ZNRF3: variants seen among roughly 807,000 people sequenced by gnomAD.
ZNRF3 encodes the protein zinc and ring finger 3.
ZNRF3 carries 23 observed loss-of-function variants against 72.5 expected under a neutral mutation model. The ratio of observed to expected loss-of-function variants is 0.32; its 90% CI spans 0.23 to 0.45. The LOEUF (loss-of-function observed/expected upper bound fraction) is 0.45, where lower values mean the gene tolerates loss of function less well. Among genes scored for constraint, ZNRF3 ranks in the 20% least tolerant of loss-of-function variants. The probability of loss-of-function intolerance (pLI) is 1.00; values close to 1 mark genes in which losing one functional copy is unlikely to be tolerated. For synonymous variants in ZNRF3, 610 were observed against 545.3 expected (o/e 1.12, Z -1.65); for missense variants, 1,169 against 1,272.1 (o/e 0.92, Z 1.23).
intron 2 of ZNRF3, among the ~76,000 whole-genome samples, chr22:29,024,484 T>C (rs1355273810): frequency 3.9e-5 from 6 of 152,018 alleles, no homozygotes; most frequent in Non-Finnish European, 1.5e-5. Context: ...AGATAACAAG[T>C]TGATATAAAG....
chr22:29,004,218 T>TG (rs1401028317), intron 2 of ZNRF3, among the ~76,000 whole-genome samples: 3 of 152,356 alleles, frequency 2.0e-5, no homozygotes, highest in East Asian at 1.9e-4. Flanking sequence ...CATTTGACTT[T>TG]GATTCAGTCT....
At chr22:29,016,096 A>C (rs1465779792) in intron 2 of ZNRF3, among the ~76,000 whole-genome samples, 3 of 151,914 alleles carry the variant, frequency 2.0e-5, no homozygotes, top group Non-Finnish European at 4.4e-5. Context: ...ATAATGTTGC[A>C]AGAGATTAAG....
At chr22:28,919,664 G>A (rs1328959648) in intron 1 of ZNRF3, among the ~76,000 whole-genome samples, 1 of 150,694 alleles carries the variant, frequency 6.6e-6, no homozygotes, top group African/African-American at 2.4e-5. Flanking sequence ...GTGCCACCAT[G>A]CCTGGCTAAT....
chr22:29,043,928 C>T (rs1258110038), intron 4 of ZNRF3, among the ~76,000 whole-genome samples: 2 of 152,200 alleles, frequency 1.3e-5, no homozygotes, highest in East Asian at 1.9e-4. Context: ...TTGAGTTCGA[C>T]GGCTAAATGA....
chr22:28,939,536 G>C, intron 1 of ZNRF3, among the ~76,000 whole-genome samples: 1 of 151,434 alleles, frequency 6.6e-6, no homozygotes, highest in East Asian at 1.9e-4. Flanking sequence ...TTATCTCTAA[G>C]ACCAAATCCT....
chr22:28,899,274 C>T (rs1340798947), intron 1 of ZNRF3, among the ~76,000 whole-genome samples: 1 of 152,146 alleles, frequency 6.6e-6, no homozygotes, highest in Admixed American at 6.5e-5. Context: ...TTTCCTGACT[C>T]TTGTGTTTAA....
chr22:28,889,771 A>T (rs2033852620), intron 1 of ZNRF3, among the ~76,000 whole-genome samples: 1 of 152,216 alleles, frequency 6.6e-6, no homozygotes, highest in Non-Finnish European at 1.5e-5. Flanking sequence ...AAAGTGTAAG[A>T]ACTTGACACT....
At chr22:29,012,722 C>T (rs2036367104) in intron 2 of ZNRF3, among the ~76,000 whole-genome samples, 1 of 152,228 alleles carries the variant, frequency 6.6e-6, no homozygotes, top group Non-Finnish European at 1.5e-5. Flanking sequence ...GTGATTTCAA[C>T]TTCTGAAGGG....
At chr22:28,887,080 C>G (rs747457885) in intron 1 of ZNRF3, among the ~76,000 whole-genome samples, 6 of 152,120 alleles carry the variant, frequency 3.9e-5, no homozygotes, top group Non-Finnish European at 5.9e-5. Context: ...GTTATTTCCA[C>G]TGGGGTTCTG....
intron 2 of ZNRF3, among the ~76,000 whole-genome samples, chr22:29,015,779 A>C (rs1222342134): frequency 6.6e-6 from 1 of 151,738 alleles, no homozygotes; most frequent in African/African-American, 2.4e-5. Context: ...GCAGTTTGGG[A>C]GGCCGAGGCG....
intron 1 of ZNRF3, among the ~76,000 whole-genome samples, chr22:28,919,192 A>C (rs952976543): frequency 3.3e-5 from 5 of 152,202 alleles, no homozygotes; most frequent in Admixed American, 6.5e-5. Context: ...TTATTTCTGA[A>C]CTGGAGTTTG....
intron 1 of ZNRF3, among the ~76,000 whole-genome samples, chr22:28,954,978 A>G (rs1195965411): frequency 6.6e-6 from 1 of 151,854 alleles, no homozygotes; most frequent in Non-Finnish European, 1.5e-5. Context: ...TTGTCCACTA[A>G]AAGATATAAT....
intron 1 of ZNRF3, among the ~76,000 whole-genome samples, chr22:28,970,724 C>G (rs2035556982): frequency 6.6e-6 from 1 of 152,184 alleles, no homozygotes; most frequent in Admixed American, 6.5e-5. Flanking sequence ...AATGCTGAAT[C>G]AAAGGATCCA....
intron 2 of ZNRF3, among the ~76,000 whole-genome samples, chr22:29,009,221 G>A (rs2036308142): frequency 6.6e-6 from 1 of 152,148 alleles, no homozygotes; most frequent in Non-Finnish European, 1.5e-5. Flanking sequence ...TTTAAGACTG[G>A]CTGGGTTTGG....
At chr22:28,963,198 A>AC (rs749589045) in intron 1 of ZNRF3, among the ~76,000 whole-genome samples, 1 of 152,204 alleles carries the variant, frequency 6.6e-6, no homozygotes, top group African/African-American at 2.4e-5. Flanking sequence ...GAAGCAGGAA[A>AC]CCCAACACAC....
At chr22:28,885,234 T>C (rs1210675895) in intron 1 of ZNRF3, among the ~76,000 whole-genome samples, 1 of 152,062 alleles carries the variant, frequency 6.6e-6, no homozygotes, top group African/African-American at 2.4e-5. Flanking sequence ...CCTGCCTTCA[T>C]AGGACAGGGA....
At chr22:28,949,775 C>T (rs921261612) in intron 1 of ZNRF3, among the ~76,000 whole-genome samples, 8 of 152,202 alleles carry the variant, frequency 5.3e-5, no homozygotes, top group African/African-American at 1.9e-4. Flanking sequence ...GCCTGCCCTG[C>T]ACTCATCTAT....
intron 1 of ZNRF3, among the ~76,000 whole-genome samples, chr22:28,907,341 C>T (rs888745349): frequency 5.9e-5 from 9 of 152,120 alleles, no homozygotes; most frequent in African/African-American, 1.9e-4. Context: ...ATGGCACAGC[C>T]ACACTGCATT....
intron 1 of ZNRF3, among the ~76,000 whole-genome samples, chr22:28,943,829 T>A (rs1057009682): frequency 2.0e-5 from 3 of 152,180 alleles, no homozygotes; most frequent in African/African-American, 7.2e-5. Context: ...TCCCAAAGCA[T>A]TAAGTTTTTG....
Sources: allele counts gnomAD v4.1 joint callset (sites outside exome capture counted in the v4.1 genomes callset), GRCh38; gene constraint gnomAD v4.1.1; transcripts MANE v1.5; gene names NCBI Gene and HGNC (gene_info 2026-07-23, HGNC 2026-07-21).